MNT: variants seen among roughly 807,000 people sequenced by gnomAD.
The protein encoded by MNT is max-binding protein MNT.
Under a neutral mutation model 40.7 loss-of-function variants are expected in MNT, and 13 were observed. The observed-to-expected ratio is 0.32, with a 90% CI of 0.21 to 0.51. The LOEUF is 0.51. Among genes scored for constraint, MNT ranks in the 20% least tolerant of loss-of-function variants. The pLI, the probability that MNT is intolerant of heterozygous loss-of-function variation, is 0.98. For missense variants in MNT, 757 were observed against 792.0 expected, an observed-to-expected ratio of 0.96 and a Z score of 0.53; for synonymous variants, 426 against 354.8, an observed-to-expected ratio of 1.20 and a Z score of -2.26.
rs2066467384 is a variant in MNT at position 2,386,931 on chromosome 17, G to A, written c.1719C>T (p.Ser573=). Reference sequence around the variant, plus strand: ...CCAGCTTGAGTGTGCTGACTGGGAAGGAGGGCATGGTGACCATGGTCACAG... The same window carrying A: ...CCAGCTTGAGTGTGCTGACTGGGAAAGAGGGCATGGTGACCATGGTCACAG... The part of the protein sequence containing the change: ...LNPVTMVTMP[S]FPVSTLKLA The change falls in exon 6 of 6, where the codon TCC becomes TCT. Residue 573 remains serine (S), a synonymous_variant. Transcript: ENST00000174618. 2 of 1,492,086 alleles carry A rather than the reference G, an allele frequency of 1.3e-6. No homozygotes were observed. Among genetic ancestry groups the A allele is most frequent in the Non-Finnish European group, 1.8e-6 (2 of 1,118,668 alleles). The allele number at this position is 1,492,086 out of a possible 1,614,324, so 92.4% of individuals were successfully genotyped here.
intron 1 of MNT, among the ~76,000 whole-genome samples, chr17:2,400,156 C>A (rs1324945247): frequency 1.3e-5 from 2 of 152,238 alleles, no homozygotes; most frequent in African/African-American, 2.4e-5. Context: ...TCCCCACCCC[C>A]ACTCCGTTAC....
At chr17:2,396,269 C>T (rs1231151739) in intron 1 of MNT, among the ~76,000 whole-genome samples, 1 of 152,228 alleles carries the variant, frequency 6.6e-6, no homozygotes, top group Non-Finnish European at 1.5e-5. Context: ...CTCTCTGACC[C>T]TTCTCGTGTT....
In MNT at chr17:2,393,910, G is replaced by T. The variant is rs183652048; in HGVS notation, c.807+133C>A. 2,987 of 484,310 alleles carry T rather than the reference G, an allele frequency of 6.2e-3. 81 individuals carry two copies. Among genetic ancestry groups the T allele is most frequent in the African/African-American group, 0.058 (2,770 of 48,140 alleles). The allele number at this position is 484,310 out of a possible 1,614,324, so 30.0% of individuals were successfully genotyped here. A position where few individuals can be genotyped will look rare whatever the true frequency, so the allele number is the denominator to read the frequency against. On this transcript the variant is annotated intron_variant, in intron 4 of 5. Transcript: ENST00000174618. ...TGACGTCAGCCGGGCCATGTGCTCA[G>T]CGCCCGCGTGGAGGTGGGAGGGAGG...
chr17:2,393,373 G>C (rs530954785), intron 4 of MNT, among the ~76,000 whole-genome samples: 68 of 152,174 alleles, frequency 4.5e-4, no homozygotes, highest in Non-Finnish European at 8.2e-4. Flanking sequence ...CAGCCGGGAG[G>C]GCCCCGAAAA....
At chr17:2,387,817 A>G in intron 5 of MNT, 40 bp downstream of exon 5, 1 of 1,567,260 alleles carries the variant, frequency 6.4e-7, no homozygotes, top group Non-Finnish European at 8.6e-7. Flanking sequence ...GAGGTGTAAC[A>G]TCTGAGGGCT....
intron 1 of MNT, chr17:2,400,235 C>T: frequency 5.1e-6 from 1 of 196,352 alleles, no homozygotes; most frequent in South Asian, 6.8e-5. Flanking sequence ...TCCCGAGGCT[C>T]ACATCACACA....
chr17:2,395,970 G>C (rs1266325099), intron 1 of MNT, among the ~76,000 whole-genome samples: 2 of 152,214 alleles, frequency 1.3e-5, no homozygotes, highest in African/African-American at 4.8e-5. Context: ...ACTTTCTAGA[G>C]GGCAGGCAGT....
intron 4 of MNT, among the ~76,000 whole-genome samples, chr17:2,392,531 G>A (rs1909256721): frequency 6.6e-6 from 1 of 152,254 alleles, no homozygotes; most frequent in Non-Finnish European, 1.5e-5. Flanking sequence ...CAAATGTCGG[G>A]AGTGCAGCGA....
intron 4 of MNT, 62 bp downstream of exon 4, chr17:2,393,981 G>GGGGAGGGGCGGCGGA (rs914812121): frequency 8.1e-7 from 1 of 1,228,900 alleles, no homozygotes; most frequent in Non-Finnish European, 1.1e-6. Flanking sequence ...GGCGCGGCCG[G>GGGGAGGGGCGGCGGA]GGGAGGGGCG....
chr17:2,394,421 G>C (rs2066558528), intron 2 of MNT, 75 bp from the exon 3 acceptor site: 1 of 1,600,674 alleles, frequency 6.2e-7, no homozygotes, highest in Non-Finnish European at 8.5e-7. Context: ...GCCGCCACCC[G>C]CAAAATTGCC....
At chr17:2,395,863 G>A (rs1192270022) in intron 1 of MNT, among the ~76,000 whole-genome samples, 2 of 152,076 alleles carry the variant, frequency 1.3e-5, no homozygotes, top group East Asian at 1.9e-4. Flanking sequence ...TGGGAGAGGC[G>A]GGCAGAGGCC....
chr17:2,393,493 C>T (rs79478832), intron 4 of MNT, among the ~76,000 whole-genome samples: 21,682 of 152,210 alleles, frequency 0.14, 2,078 homozygotes, highest in Admixed American at 0.27. Flanking sequence ...TTCCCCGCCC[C>T]AGGCGTAACC....
intron 1 of MNT, among the ~76,000 whole-genome samples, chr17:2,397,203 G>C (rs1013774763): frequency 6.6e-6 from 1 of 152,176 alleles, no homozygotes; most frequent in Non-Finnish European, 1.5e-5. Context: ...GCTCCAGTGC[G>C]GGGAGGCCTT....
intron 1 of MNT, 171 bp downstream of exon 1, chr17:2,400,469 A>C: frequency 1.8e-6 from 1 of 547,954 alleles, no homozygotes; most frequent in Non-Finnish European, 3.1e-6. Context: ...AATTAATTTC[A>C]CTGCCCACAT....
rs776174205 is a variant in MNT, at chr17:2,386,910, C to T, written c.1740G>A (p.Lys580=). ...TMPSFPVSTL[K]LA is the part of the protein sequence containing the mutation. ...CTGAGTGGCCTCGTCCTCAAGCCAG[C>T]TTGAGTGTGCTGACTGGGAAGGAGG... The change falls in exon 6 of 6, where the codon AAG becomes AAA. Residue 580 remains lysine, a synonymous_variant. Coordinates refer to ENST00000174618, the MANE Select transcript of MNT (RefSeq NM_020310.3). 6.8e-7 allele frequency: 1 copy of T among 1,474,806 alleles called. No individual in the cohort carries two copies. The highest frequency in any genetic ancestry group is 9.0e-7 in the Non-Finnish European group (1 of 1,110,950). 91.4% of individuals were successfully genotyped at this position (1,474,806 alleles called of 1,614,324 possible). A position where few individuals can be genotyped will look rare whatever the true frequency, so the allele number is the denominator to read the frequency against.
At position 2,386,607 on chromosome 17, in the gene MNT, C is replaced by G. The variant is rs1399997684; in HGVS notation, c.*294G>C. On this transcript the variant is annotated 3_prime_UTR_variant, in exon 6 of 6. Coordinates refer to ENST00000174618, the MANE Select transcript of MNT (RefSeq NM_020310.3). ...GTGACGTCCACATCGCACTGATTTC[C>G]GAGGGTAGGGAGGGGAAGCAGGAGC... The G allele has an allele frequency of 1.0e-5, 4 of 388,628 alleles. No homozygotes were observed. The highest frequency in any genetic ancestry group is 1.8e-5 in the Non-Finnish European group (4 of 216,722). 24.1% of individuals were successfully genotyped at this position (388,628 alleles called of 1,614,324 possible). A position where few individuals can be genotyped will look rare whatever the true frequency, so the allele number is the denominator to read the frequency against.
In MNT at chr17:2,400,758, C is replaced by A. The variant is rs749068178; in HGVS notation, c.-46G>T. On this transcript the variant is annotated 5_prime_UTR_variant, in exon 1 of 6. Coordinates refer to ENST00000174618, the MANE Select transcript of MNT (RefSeq NM_020310.3). ...GCGCGCCGGGGCCGAGGCTGCGGCCCGCGAGCCGGGCACAGGTCAGGCTGG... is the reference window on the plus strand; with the variant it reads ...GCGCGCCGGGGCCGAGGCTGCGGCCAGCGAGCCGGGCACAGGTCAGGCTGG... 2.7e-5 allele frequency: 40 copies of A among 1,483,850 alleles called. No homozygotes were observed. The highest frequency in any genetic ancestry group is 3.5e-5 in the Non-Finnish European group (39 of 1,120,358). 91.9% of individuals were successfully genotyped at this position (1,483,850 alleles called of 1,614,324 possible).
chr17:2,400,728 C>CG lies in MNT; in HGVS notation c.-17dup, dbSNP rs760725327. On this transcript the variant is annotated 5_prime_UTR_variant, in exon 1 of 6. Coordinates refer to ENST00000174618, the MANE Select transcript of MNT (RefSeq NM_020310.3). The stretch of plus-strand genomic sequence containing the variant: ...CTATGCTCATCGCGCCGAGAGCTGC[C>CG]GGGGGCGCGCCGGGGCCGAGGCTGC... The CG allele has an allele frequency of 4.6e-6, 7 of 1,535,102 alleles. No individual in the cohort carries two copies. Among genetic ancestry groups the CG allele is most frequent in the Admixed American group, 2.1e-5 (1 of 46,646 alleles).
In MNT at chr17:2,394,263, G is replaced by GCGCA. The variant is rs751691177; in HGVS notation, c.695+38_695+41dup. On this transcript the variant is annotated intron_variant, in intron 3 of 5. Coordinates refer to ENST00000174618, the MANE Select transcript of MNT (RefSeq NM_020310.3). ...AGGGCCGCCGGGGCCCGGGTCGCGC[G>GCGCA]CGCACGCACGCACGCACACACACAC... The GCGCA allele has an allele frequency of 3.1e-3, 4,666 of 1,514,624 alleles. 75 individuals are homozygous for GCGCA. In the African/African-American group the frequency reaches 0.058, roughly 19 times the overall value. The allele number at this position is 1,514,624 out of a possible 1,614,324, so 93.8% of individuals were successfully genotyped here.
Sources: gnomAD v4.1 joint callset for allele counts (sites outside exome capture counted in the v4.1 genomes callset) on GRCh38, gnomAD v4.1.1 for gene constraint, MANE v1.5 for transcripts, NCBI Gene and HGNC (gene_info 2026-07-23, HGNC 2026-07-21) for gene names.